Variants in GPC5 observed in about 807,000 individuals in gnomAD.
The protein encoded by GPC5 is glypican-5.
Under a neutral mutation model 53.9 loss-of-function variants are expected in GPC5, and 47 were observed. That is an observed-to-expected ratio of 0.87 (90% confidence interval 0.69 to 1.11). The LOEUF (loss-of-function observed/expected upper bound fraction) is 1.11, where lower values mean the gene tolerates loss of function less well. GPC5 is among the 50% of genes most tolerant of loss of function. GPC5 has a pLI of 0.00. For synonymous variants in GPC5, 286 were observed against 263.3 expected (o/e 1.09, Z -0.84); for missense variants, 748 against 713.1 (o/e 1.05, Z -0.56).
At chr13:92,416,462 G>T (rs1876294393) in intron 7 of GPC5, among the ~76,000 whole-genome samples, 1 of 152,130 alleles carries the variant, frequency 6.6e-6, no homozygotes, top group South Asian at 2.1e-4. Flanking sequence ...CTAAGACAAA[G>T]CAATGGAGAT....
intron 2 of GPC5, among the ~76,000 whole-genome samples, chr13:91,600,694 A>G (rs561594686): frequency 6.6e-6 from 1 of 152,220 alleles, no homozygotes. Flanking sequence ...CTGTTATGTT[A>G]GGTTTTATCA....
intron 7 of GPC5, among the ~76,000 whole-genome samples, chr13:92,704,899 G>GTATA (rs573422127): frequency 1.1e-5 from 1 of 90,868 alleles, no homozygotes; most frequent in African/African-American, 3.9e-5. Flanking sequence ...ATATATATGA[G>GTATA]TATATATATA....
At chr13:91,757,452 C>T (rs981610851) in intron 5 of GPC5, among the ~76,000 whole-genome samples, 1 of 151,916 alleles carries the variant, frequency 6.6e-6, no homozygotes, top group Non-Finnish European at 1.5e-5. Context: ...ATTGTGGTTC[C>T]CGTAATCCCC....
chr13:92,375,559 A>G (rs1456474131), intron 7 of GPC5, among the ~76,000 whole-genome samples: 1 of 152,206 alleles, frequency 6.6e-6, no homozygotes, highest in Non-Finnish European at 1.5e-5. Context: ...TTCTCGCTGT[A>G]TCAATCATAG....
intron 7 of GPC5, among the ~76,000 whole-genome samples, chr13:92,251,543 C>T (rs535258686): frequency 6.6e-6 from 1 of 151,558 alleles, no homozygotes; most frequent in Non-Finnish European, 1.5e-5. Flanking sequence ...GTCACCCCAC[C>T]GATTTGCTCC....
chr13:92,498,438 G>C (rs907586235), intron 7 of GPC5, among the ~76,000 whole-genome samples: 3 of 152,050 alleles, frequency 2.0e-5, no homozygotes, highest in Non-Finnish European at 4.4e-5. Flanking sequence ...TTGCCTCTTA[G>C]TGGCATACAT....
chr13:91,492,550 G>A (rs1454899685), intron 2 of GPC5, among the ~76,000 whole-genome samples: 1 of 152,096 alleles, frequency 6.6e-6, no homozygotes, highest in Admixed American at 6.6e-5. Context: ...CCTTTTTTCT[G>A]TCTTTTTGGT....
At chr13:91,596,632 G>A (rs1027071877) in intron 2 of GPC5, among the ~76,000 whole-genome samples, 6 of 152,028 alleles carry the variant, frequency 3.9e-5, no homozygotes, top group Non-Finnish European at 7.4e-5. Flanking sequence ...CTGGGATACA[G>A]TTAAGTTTTA....
At chr13:92,020,975 A>G (rs1300464714) in intron 6 of GPC5, among the ~76,000 whole-genome samples, 2 of 152,092 alleles carry the variant, frequency 1.3e-5, no homozygotes, top group Non-Finnish European at 2.9e-5. Flanking sequence ...TAAGTCTTTA[A>G]TGCATTTTGA....
At chr13:92,549,874 A>AACAC (rs1444725122) in intron 7 of GPC5, among the ~76,000 whole-genome samples, 11 of 108,738 alleles carry the variant, frequency 1.0e-4, no homozygotes, top group Non-Finnish European at 2.1e-4. Flanking sequence ...TCTTTTACCA[A>AACAC]ACACACACAT....
At chr13:91,712,643 C>T (rs1479918595) in intron 3 of GPC5, among the ~76,000 whole-genome samples, 1 of 152,028 alleles carries the variant, frequency 6.6e-6, no homozygotes, top group Non-Finnish European at 1.5e-5. Context: ...GAAGATAATA[C>T]AGAAAAGCTT....
intron 6 of GPC5, among the ~76,000 whole-genome samples, chr13:91,916,649 T>A (rs2039662053): frequency 6.6e-6 from 1 of 152,150 alleles, no homozygotes; most frequent in Admixed American, 6.5e-5. Context: ...GACTGGGTAA[T>A]TTATAAAGAA....
chr13:92,814,953 A>G (rs1877417647), intron 7 of GPC5, among the ~76,000 whole-genome samples: 1 of 151,842 alleles, frequency 6.6e-6, no homozygotes, highest in Admixed American at 6.6e-5. Flanking sequence ...CGCAAACCAC[A>G]TTTTGAAAAA....
intron 7 of GPC5, among the ~76,000 whole-genome samples, chr13:92,346,602 G>A (rs528132575): frequency 2.4e-4 from 36 of 152,212 alleles, no homozygotes; most frequent in African/African-American, 7.5e-4. Flanking sequence ...AGAGGAGGCC[G>A]TCTCCTCAAA....
chr13:92,799,512 G>A (rs1474640218), intron 7 of GPC5, among the ~76,000 whole-genome samples: 2 of 151,712 alleles, frequency 1.3e-5, no homozygotes, highest in Non-Finnish European at 2.9e-5. Context: ...GGGAACAAGA[G>A]GAAAGCAGCA....
chr13:92,797,098 T>C (rs890961069), intron 7 of GPC5, among the ~76,000 whole-genome samples: 1 of 151,874 alleles, frequency 6.6e-6, no homozygotes, highest in African/African-American at 2.4e-5. Flanking sequence ...CACTTTGAGG[T>C]AGAGAGACCT....
At chr13:91,655,746 G>T (rs1009737151) in intron 2 of GPC5, among the ~76,000 whole-genome samples, 2 of 151,982 alleles carry the variant, frequency 1.3e-5, no homozygotes, top group Non-Finnish European at 2.9e-5. Context: ...GTTTGACTTT[G>T]GGGGAAAAAA....
In GPC5 at chr13:92,359,843, C is replaced by G. The variant is rs902489675; in HGVS notation, c.1561+214854C>G. ...GATTCAATCACCTCCCACCAGGACC[C>G]TCCTCCAAAACTTGGGATTAAAATT... On this transcript the variant is annotated intron_variant, in intron 7 of 7. Coordinates refer to ENST00000377067, the MANE Select transcript of GPC5 (RefSeq NM_004466.6). 3.9e-4 allele frequency among the ~76,000 whole-genome samples: 59 copies of G among 151,698 alleles called. 1 individual carries two copies. The highest frequency in any genetic ancestry group is 1.3e-3 in the African/African-American group (55 of 40,994).
At chr13:92,248,346 A>G (rs2042668207) in intron 7 of GPC5, among the ~76,000 whole-genome samples, 1 of 152,170 alleles carries the variant, frequency 6.6e-6, no homozygotes, top group Admixed American at 6.6e-5. Context: ...GTGAAAGTTC[A>G]GATGTGAAAT....
Sources: allele counts gnomAD v4.1 joint callset (sites outside exome capture counted in the v4.1 genomes callset), GRCh38; gene constraint gnomAD v4.1.1; transcripts MANE v1.5; gene names NCBI Gene and HGNC (gene_info 2026-07-23, HGNC 2026-07-21).